Variants in PHC1 observed in about 807,000 individuals in gnomAD.
PHC1 encodes polyhomeotic-like protein 1.
PHC1 carries 12 observed loss-of-function variants against 104.3 expected under a neutral mutation model. The observed-to-expected ratio is 0.12, with a 90% confidence interval of 0.07 to 0.19. The LOEUF (loss-of-function observed/expected upper bound fraction) is 0.19, where lower values mean the gene tolerates loss of function less well. Among genes scored for constraint, PHC1 ranks in the 10% least tolerant of loss-of-function variants. The probability of loss-of-function intolerance (pLI) is 1.00; values close to 1 mark genes in which losing one functional copy is unlikely to be tolerated. For synonymous variants in PHC1, 302 were observed against 455.8 expected (o/e 0.66, Z 4.30); for missense variants, 671 against 1,200.0 (o/e 0.56, Z 6.51).
At chr12:8,929,632 A>T (rs1280128243) in intron 6 of PHC1, among the ~76,000 whole-genome samples, 3 of 150,676 alleles carry the variant, frequency 2.0e-5, no homozygotes, top group Non-Finnish European at 4.4e-5. Flanking sequence ...GGCTCAAGTG[A>T]TCCTTTCACC....
chr12:8,921,513 G>C (rs1945362491), intron 4 of PHC1, 88 bp from the exon 5 acceptor site: 13 of 1,174,490 alleles, frequency 1.1e-5, no homozygotes, highest in Non-Finnish European at 1.6e-5. Context: ...CTCTGTTCTT[G>C]ACTGTGTGAC....
chr12:8,921,058 A>G lies in PHC1; in HGVS notation c.299A>G (p.Gln100Arg), dbSNP rs139679067. 46 of 1,612,026 alleles carry G rather than the reference A, an allele frequency of 2.9e-5. No individual in the cohort carries two copies. Among genetic ancestry groups the G allele is most frequent in the Non-Finnish European group, 3.7e-5 (44 of 1,179,120 alleles). The change falls in exon 4 of 15, where the codon CAG becomes CGG. Residue 100 changes from glutamine (Q) to arginine (R), a missense_variant. By Grantham distance (43) the Gln-to-Arg change is conservative (BLOSUM62 1). This residue lies in a region of PHC1 where 237 missense variants were observed against 331.1 expected (regional missense o/e 0.72). Coordinates refer to ENST00000544916, the MANE Select transcript of PHC1 (RefSeq NM_004426.3). ...STTQQQTTTT[Q>R]ASINLATTSA... ...ACACAGCAGCAGACTACCACCACCC[A>G]GGCCTCGGTGAGTACGCCCTCTCCC... is the stretch of plus-strand genomic sequence containing the variant.
intron 6 of PHC1, among the ~76,000 whole-genome samples, chr12:8,924,297 T>C (rs1168085270): frequency 6.6e-6 from 1 of 152,052 alleles, no homozygotes; most frequent in Non-Finnish European, 1.5e-5. Flanking sequence ...ACCAATATGG[T>C]GAAACCCTGT....
At position 8,930,886 on chromosome 12, in the gene PHC1, G is replaced by A. The variant is rs181118510; in HGVS notation, c.1064G>A (p.Arg355Gln). 8.2e-6 allele frequency: 13 copies of A among 1,587,534 alleles called. No homozygotes were observed. The highest frequency in any genetic ancestry group is 8.6e-6 in the Non-Finnish European group (10 of 1,166,618). The change falls in exon 7 of 15, where the codon CGG (arginine) becomes CAG (glutamine). Residue 355 changes from arginine to glutamine, a missense_variant. Physicochemically the swap from Arg to Gln is conservative, Grantham distance 43. Around this residue, in one of 9 missense-constraint regions of PHC1, gnomAD observed 78 missense variants for 140.8 expected, o/e 0.55. Transcript: ENST00000544916. ...CAGAATGTGGGCATGAACCTGACACGGACAGCCACACCTGCGCCCAGCCAG... is the reference window on the plus strand; with the variant it reads ...CAGAATGTGGGCATGAACCTGACACAGACAGCCACACCTGCGCCCAGCCAG... Reference protein sequence around the residue: ...GQQNVGMNLTRTATPAPSQTL... With the variant: ...GQQNVGMNLTQTATPAPSQTL...
chr12:8,930,077 C>G (rs1390196000), intron 6 of PHC1, among the ~76,000 whole-genome samples: 1 of 152,286 alleles, frequency 6.6e-6, no homozygotes, highest in Non-Finnish European at 1.5e-5. Flanking sequence ...AGAGCAGAGA[C>G]TGTGTCTTTC....
intron 6 of PHC1, among the ~76,000 whole-genome samples, chr12:8,923,741 A>G (rs1441103016): frequency 6.6e-6 from 1 of 151,574 alleles, no homozygotes; most frequent in Non-Finnish European, 1.5e-5. Context: ...GAGGCCCGAG[A>G]ATGGCATGAA....
At chr12:8,935,613 C>CG (rs1211880544) in intron 11 of PHC1, among the ~76,000 whole-genome samples, 1 of 151,546 alleles carries the variant, frequency 6.6e-6, no homozygotes, top group Non-Finnish European at 1.5e-5. Context: ...GGCGACAGAG[C>CG]GAGACTCTGT....
At chr12:8,925,396 C>T in intron 6 of PHC1, among the ~76,000 whole-genome samples, 1 of 152,176 alleles carries the variant, frequency 6.6e-6, no homozygotes, top group Non-Finnish European at 1.5e-5. Context: ...ACCATTGAAA[C>T]ACCAGACATT....
In PHC1 at chr12:8,921,624, C is replaced by T. The variant is rs200380606; in HGVS notation, c.330C>T (p.Ala110=). The stretch of plus-strand genomic sequence containing the variant: ...AGATCAATCTGGCCACCACATCGGC[C>T]GCCCAGCTCATCAGCCGATCCCAGA... The part of the protein sequence containing the change: ...QASINLATTS[A]AQLISRSQSV... Residue 110 remains alanine (A), a synonymous_variant, in exon 5 of 15, where the codon GCC becomes GCT. Coordinates refer to ENST00000544916, the MANE Select transcript of PHC1 (RefSeq NM_004426.3). The T allele has an allele frequency of 1.2e-5, 20 of 1,613,576 alleles. No individual in the cohort carries two copies. The highest frequency in any genetic ancestry group is 2.2e-5 in the South Asian group (2 of 91,026).
In PHC1 at chr12:8,917,700, A is replaced by G; in HGVS notation, c.23A>G (p.Asn8Ser). 3 of 1,565,562 alleles carry G rather than the reference A, an allele frequency of 1.9e-6. No individual in the cohort carries two copies. Among genetic ancestry groups the G allele is most frequent in the Admixed American group, 1.9e-5 (1 of 51,572 alleles). METESEQ[N>S]SNSTNGSSSS... ...ATCATGGAGACTGAGAGCGAGCAGA[A>G]CTCCAATTCCACCAATGGGAGTTCT... Residue 8 changes from asparagine to serine, a missense_variant, in exon 2 of 15, where the codon AAC becomes AGC. By Grantham distance (46) the Asn-to-Ser change is conservative. Transcript: ENST00000544916.
chr12:8,914,004 T>G (rs1945120655), upstream of PHC1: 2 of 152,736 alleles, frequency 1.3e-5, no homozygotes, highest in African/African-American at 4.8e-5. Flanking sequence ...CTCAAAGTTT[T>G]TCTCGCCTTT....
At position 8,935,124 on chromosome 12, in the gene PHC1, G is replaced by A. The variant is rs767698068; in HGVS notation, c.2254G>A (p.Val752Met). The stretch of plus-strand genomic sequence containing the variant: ...TAACTCTCAATGTTTTCTGGGACAG[G>A]TGGGTTGTTCTCAGTTACTGAAGGA... ...VIQEGAEPFP[V>M]GCSQLLKESE... Residue 752 changes from valine (V) to methionine (M), a missense_variant and splice_region_variant, in exon 11 of 15, where the codon GTG becomes ATG. Coordinates refer to ENST00000544916, the MANE Select transcript of PHC1 (RefSeq NM_004426.3). 1.9e-5 allele frequency: 29 copies of A among 1,534,092 alleles called. No homozygotes were observed. The highest frequency in any genetic ancestry group is 2.6e-5 in the Non-Finnish European group (29 of 1,118,906).
intron 6 of PHC1, among the ~76,000 whole-genome samples, chr12:8,926,178 A>G (rs769887326): frequency 1.1e-4 from 16 of 152,272 alleles, no homozygotes; most frequent in Non-Finnish European, 1.6e-4. Flanking sequence ...CCATGAGGAG[A>G]TACTGAGACT....
At chr12:8,937,782 A>C in intron 13 of PHC1, 47 bp from the exon 14 acceptor site, 1 of 1,471,136 alleles carries the variant, frequency 6.8e-7, no homozygotes, top group Non-Finnish European at 9.5e-7. Context: ...AGAGAGAGGA[A>C]TAAACCTTTG....
chr12:8,920,369 C>T (rs1442437604), intron 3 of PHC1, among the ~76,000 whole-genome samples: 1 of 152,050 alleles, frequency 6.6e-6, no homozygotes, highest in East Asian at 1.9e-4. Flanking sequence ...ATATTGGATA[C>T]CTCTGGACTA....
intron 10 of PHC1, 57 bp downstream of exon 10, chr12:8,934,535 CTT>C: frequency 8.0e-7 from 1 of 1,252,108 alleles, no homozygotes. Flanking sequence ...TGATTGTTGT[CTT>C]TTCAAACTCC....
intron 2 of PHC1, among the ~76,000 whole-genome samples, chr12:8,918,864 G>A (rs1264826130): frequency 1.3e-5 from 2 of 152,148 alleles, no homozygotes; most frequent in African/African-American, 4.8e-5. Context: ...TTGTAATTGC[G>A]TGACTGTCAT....
chr12:8,920,893 CTA>C lies in PHC1; in HGVS notation c.226-90_226-89del, dbSNP rs1945342796. 5 of 820,474 alleles carry C rather than the reference CTA, an allele frequency of 6.1e-6. No individual in the cohort carries two copies. The South Asian group carries it at 6.7e-5, about 11-fold the overall frequency. The allele number at this position is 820,474 out of a possible 1,614,324, so 50.8% of individuals were successfully genotyped here. On this transcript the variant is annotated intron_variant, in intron 3 of 14. Transcript: ENST00000544916. ...TCTCCCTGTTTATAATGTGAAATCT[CTA>C]TGTTTTGTGCTTGTGATTTATTACT... is the stretch of plus-strand genomic sequence containing the variant.
At chr12:8,916,250 T>TG (rs35008510) in intron 1 of PHC1, among the ~76,000 whole-genome samples, 1 of 152,174 alleles carries the variant, frequency 6.6e-6, no homozygotes, top group Non-Finnish European at 1.5e-5. Flanking sequence ...TGGATGATAC[T>TG]GGGAATGAGA....
Sources: allele counts gnomAD v4.1 joint callset (sites outside exome capture counted in the v4.1 genomes callset), GRCh38; gene constraint gnomAD v4.1.1; regional missense constraint gnomAD v4.1.1; transcripts MANE v1.5; gene names NCBI Gene and HGNC (gene_info 2026-07-23, HGNC 2026-07-21).